SORCS1: variants seen among roughly 807,000 people sequenced by gnomAD.
SORCS1 encodes VPS10 domain-containing receptor SorCS1.
SORCS1 carries 60 observed loss-of-function variants against 146.1 expected under a neutral mutation model. That is an observed-to-expected ratio of 0.41 (90% CI 0.33 to 0.51). The LOEUF (loss-of-function observed/expected upper bound fraction) is 0.51. Ranked by LOEUF, SORCS1 falls within the 20% of genes least tolerant of loss-of-function variation. The pLI is 0.21. For missense variants in SORCS1, 1,352 were observed against 1,487.6 expected (o/e 0.91, Z 1.50); for synonymous variants, 637 against 584.0 (o/e 1.09, Z -1.31).
chr10:106,902,475 G>A (rs1951747805), intron 2 of SORCS1, among the ~76,000 whole-genome samples: 1 of 152,086 alleles, frequency 6.6e-6, no homozygotes, highest in African/African-American at 2.4e-5. Flanking sequence ...ATTAAAGTTT[G>A]AGATTTTGAA....
chr10:106,657,713 A>G (rs1285712397), intron 17 of SORCS1, among the ~76,000 whole-genome samples: 1 of 150,896 alleles, frequency 6.6e-6, no homozygotes, highest in East Asian at 1.9e-4. Flanking sequence ...AAAATAAATA[A>G]ACACTACTGA....
At chr10:106,718,525 C>CTGAG (rs202038378) in intron 6 of SORCS1, among the ~76,000 whole-genome samples, 5,689 of 152,244 alleles carry the variant, frequency 0.037, 315 homozygotes, top group African/African-American at 0.12. Context: ...AACCTTCGCG[C>CTGAG]TGTTACAGCT....
intron 1 of SORCS1, among the ~76,000 whole-genome samples, chr10:107,091,357 A>C (rs1964168034): frequency 6.6e-6 from 1 of 152,238 alleles, no homozygotes; most frequent in Admixed American, 6.5e-5. Flanking sequence ...CTTTTCTATG[A>C]GTCAGCCTTC....
At chr10:107,082,360 T>C (rs2134246348) in intron 1 of SORCS1, among the ~76,000 whole-genome samples, 1 of 152,348 alleles carries the variant, frequency 6.6e-6, no homozygotes, top group East Asian at 1.9e-4. Flanking sequence ...TTGTTATTGG[T>C]GTTTATACTA....
intron 2 of SORCS1, among the ~76,000 whole-genome samples, chr10:106,922,156 A>G (rs1436812348): frequency 1.3e-5 from 2 of 152,234 alleles, no homozygotes; most frequent in Admixed American, 6.5e-5. Flanking sequence ...AATGAAAGGG[A>G]TAAGTTTCTT....
chr10:106,628,728 C>A (rs1848251115), intron 19 of SORCS1, among the ~76,000 whole-genome samples: 1 of 152,142 alleles, frequency 6.6e-6, no homozygotes, highest in Non-Finnish European at 1.5e-5. Flanking sequence ...AGGAGCAAAA[C>A]CCTAAAAGGA....
rs1207379130 is a variant in SORCS1, at chr10:106,761,644, T to C, written c.903A>G (p.Glu301=). Residue 301 remains glutamate, a synonymous_variant, in exon 5 of 26, where the codon GAA becomes GAG. Coordinates refer to ENST00000263054, the MANE Select transcript of SORCS1 (RefSeq NM_052918.5). ...GGATAAGCTGCCATCTTCTCCCAAA[T>C]TCAGCAGAGCTGTATAACTGTAAAG... ...SQDQKLYSSA[E]FGRRWQLIQE... is the part of the protein sequence containing the mutation. The C allele has an allele frequency of 1.9e-6, 3 of 1,614,162 alleles. No homozygotes were observed. The highest frequency in any genetic ancestry group is 1.7e-6 in the Non-Finnish European group (2 of 1,180,014).
At chr10:106,580,396 A>T (rs1353659262) in intron 24 of SORCS1, among the ~76,000 whole-genome samples, 1 of 152,066 alleles carries the variant, frequency 6.6e-6, no homozygotes, top group East Asian at 1.9e-4. Flanking sequence ...TCTGGAAAAC[A>T]CTTCTCGCCA....
At chr10:107,069,454 C>A (rs1962227974) in intron 1 of SORCS1, among the ~76,000 whole-genome samples, 2 of 152,076 alleles carry the variant, frequency 1.3e-5, no homozygotes, top group Admixed American at 1.3e-4. Context: ...CGGCTCACTG[C>A]AACCTTCGCC....
At chr10:106,597,760 G>A (rs1028674251) in intron 23 of SORCS1, among the ~76,000 whole-genome samples, 7 of 152,114 alleles carry the variant, frequency 4.6e-5, no homozygotes, top group African/African-American at 1.4e-4. Context: ...GAGAACATTT[G>A]TTATGCATGA....
chr10:106,969,747 C>T (rs993348962), intron 1 of SORCS1, among the ~76,000 whole-genome samples: 1 of 152,128 alleles, frequency 6.6e-6, no homozygotes, highest in African/African-American at 2.4e-5. Context: ...AAATGCTTTC[C>T]GATTCCACCC....
chr10:106,693,578 T>G (rs1589676889), intron 9 of SORCS1, among the ~76,000 whole-genome samples: 1 of 152,360 alleles, frequency 6.6e-6, no homozygotes, highest in Middle Eastern at 3.4e-3. Context: ...TTCTAGGCAC[T>G]TGGCAGATAT....
chr10:106,898,748 T>G (rs1951585093), intron 2 of SORCS1, among the ~76,000 whole-genome samples: 1 of 152,144 alleles, frequency 6.6e-6, no homozygotes, highest in Non-Finnish European at 1.5e-5. Context: ...CCTTATTTTT[T>G]CCCAAAGAAA....
At chr10:106,664,920 T>G (rs531626881) in intron 17 of SORCS1, among the ~76,000 whole-genome samples, 2 of 152,340 alleles carry the variant, frequency 1.3e-5, no homozygotes, top group South Asian at 4.1e-4. Context: ...CTCCTGTCTT[T>G]TGCATTCCTT....
chr10:107,124,771 A>G lies in SORCS1; in HGVS notation c.558+39198T>C, dbSNP rs1330780684. 2.6e-5 allele frequency among the ~76,000 whole-genome samples: 4 copies of G among 152,154 alleles called. No individual in the cohort carries two copies. The South Asian group carries it at 6.2e-4, about 24-fold the overall frequency. On this transcript the variant is annotated intron_variant, in intron 1 of 25. Coordinates refer to ENST00000263054, the MANE Select transcript of SORCS1 (RefSeq NM_052918.5). ...ACAGAAAACCAGCCAAACCTGATAA[A>G]AAAGCAACCGTGTATGAAACGTGTA...
rs869141427 is a variant in SORCS1 at position 107,021,513 on chromosome 10, C to CAA, written c.559-64935_559-64934dup. Among the ~76,000 whole-genome samples, 215 of 68,612 alleles carry CAA rather than the reference C, an allele frequency of 3.1e-3. 8 individuals are homozygous for CAA. Among genetic ancestry groups the CAA allele is most frequent in the East Asian group, 6.2e-3 (12 of 1,944 alleles). 45.0% of individuals were successfully genotyped at this position (68,612 alleles called of 152,430 possible). ...TAGGCAACAGAGCGACACTCCGTCT[C>CAA]AAAAAAAAAAAAAAAAAAAAAAAAA... On this transcript the variant is annotated intron_variant, in intron 1 of 25. Coordinates refer to ENST00000263054, the MANE Select transcript of SORCS1 (RefSeq NM_052918.5).
At chr10:107,127,911 C>T (rs1966804993) in intron 1 of SORCS1, among the ~76,000 whole-genome samples, 2 of 152,160 alleles carry the variant, frequency 1.3e-5, no homozygotes, top group South Asian at 2.1e-4. Flanking sequence ...GAACTTTGGC[C>T]AGTAATGTAT....
intron 2 of SORCS1, among the ~76,000 whole-genome samples, chr10:106,852,914 TTGTC>T (rs1949648097): frequency 6.6e-6 from 1 of 152,184 alleles, no homozygotes; most frequent in East Asian, 1.9e-4. Flanking sequence ...TGAGAGATAA[TTGTC>T]TGTAAGTTTG....
chr10:106,787,524 G>A (rs766790130), intron 3 of SORCS1, among the ~76,000 whole-genome samples: 10 of 152,020 alleles, frequency 6.6e-5, no homozygotes, highest in African/African-American at 1.2e-4. Flanking sequence ...CTGCTGCTAT[G>A]CCAACCCTAT....
Sources: allele counts gnomAD v4.1 joint callset (sites outside exome capture counted in the v4.1 genomes callset), GRCh38; gene constraint gnomAD v4.1.1; transcripts MANE v1.5; gene names NCBI Gene and HGNC (gene_info 2026-07-23, HGNC 2026-07-21).